Variants in MBD5 observed in about 807,000 individuals in gnomAD.
The protein encoded by MBD5 is methyl-CpG-binding domain protein 5.
Under a neutral mutation model 117.3 loss-of-function variants are expected in MBD5, and 13 were observed. That is an observed-to-expected ratio of 0.11 (90% CI 0.07 to 0.18). The LOEUF is 0.18. MBD5 is among the 10% of genes least tolerant of loss of function. The pLI, the probability that MBD5 is intolerant of heterozygous loss-of-function variation, is 1.00. For missense variants in MBD5, 1,879 were observed against 2,093.8 expected (o/e 0.90, Z 2.00); for synonymous variants, 727 against 766.4 (o/e 0.95, Z 0.85).
chr2:148,433,505 T>C (rs750825098), intron 4 of MBD5, among the ~76,000 whole-genome samples: 5 of 152,228 alleles, frequency 3.3e-5, no homozygotes, highest in Non-Finnish European at 5.9e-5. Flanking sequence ...ATGGCTCTTA[T>C]TACTTTGAAG....
intron 11 of MBD5, among the ~76,000 whole-genome samples, chr2:148,495,372 A>G (rs1047283450): frequency 2.0e-5 from 3 of 152,336 alleles, no homozygotes; most frequent in Middle Eastern, 6.8e-3. Context: ...TTTTATGTTA[A>G]CTAGCTTAAA....
intron 8 of MBD5, among the ~76,000 whole-genome samples, chr2:148,476,899 A>G (rs754704383): frequency 3.9e-5 from 6 of 152,182 alleles, no homozygotes; most frequent in Non-Finnish European, 8.8e-5. Flanking sequence ...TAGGTACTGT[A>G]GTGCATATTC....
At chr2:148,282,391 A>G (rs1200723835) in intron 3 of MBD5, among the ~76,000 whole-genome samples, 1 of 152,146 alleles carries the variant, frequency 6.6e-6, no homozygotes, top group African/African-American at 2.4e-5. Context: ...AATTGGATGG[A>G]TTCAAATCCT....
Position 148,469,698 on chromosome 2 carries a change from A to G in MBD5, c.1755A>G (p.Lys585=). ...PASSLLSAAA[K]AQLANQNKLA... is the part of the protein sequence containing the mutation. ...GTAGTTTACTCTCAGCAGCAGCCAA[A>G]GCACAGCTAGCAAATCAAAACAAAC... is the stretch of plus-strand genomic sequence containing the variant. Residue 585 remains lysine (K), a synonymous_variant, in exon 8 of 14, where the codon AAA becomes AAG. Coordinates refer to ENST00000642680, the MANE Select transcript of MBD5 (RefSeq NM_001378120.1). 6.2e-7 allele frequency: 1 copy of G among 1,613,956 alleles called. No homozygotes were observed.
chr2:148,469,665 T>C lies in MBD5; in HGVS notation c.1722T>C (p.Phe574=). 6.2e-7 allele frequency: 1 copy of C among 1,613,940 alleles called. No homozygotes were observed. The highest frequency in any genetic ancestry group is 8.5e-7 in the Non-Finnish European group (1 of 1,179,904). ...QILNQHNAAS[F]PASSLLSAAA... is the part of the protein sequence containing the mutation. ...TGAACCAGCACAATGCTGCCTCCTTTCCAGCAAGTAGTTTACTCTCAGCAG... is the reference window on the plus strand; with the variant it reads ...TGAACCAGCACAATGCTGCCTCCTTCCCAGCAAGTAGTTTACTCTCAGCAG... Residue 574 remains phenylalanine (F), a synonymous_variant, in exon 8 of 14, where the codon TTT becomes TTC. Transcript: ENST00000642680.
At chr2:148,189,403 A>C (rs1341026364) in intron 2 of MBD5, among the ~76,000 whole-genome samples, 4 of 150,626 alleles carry the variant, frequency 2.7e-5, no homozygotes, top group Non-Finnish European at 5.9e-5. Context: ...ACACAGCTGG[A>C]GATCTGAGAA....
chr2:148,081,175 G>A (rs1695638749), intron 1 of MBD5, among the ~76,000 whole-genome samples: 3 of 152,088 alleles, frequency 2.0e-5, no homozygotes, highest in Admixed American at 2.0e-4. Context: ...TAATGTAAAA[G>A]GGTCTAAATA....
At chr2:148,449,369 A>C (rs2105470248) in intron 4 of MBD5, among the ~76,000 whole-genome samples, 1 of 152,134 alleles carries the variant, frequency 6.6e-6, no homozygotes, top group East Asian at 1.9e-4. Context: ...GTAGGATGTC[A>C]AGGGTGAAGA....
Position 148,483,297 on chromosome 2 carries a change from C to T in MBD5, c.2706C>T (p.Ser902=). The T allele has an allele frequency of 6.2e-7, 1 of 1,614,038 alleles. No individual in the cohort carries two copies. Among genetic ancestry groups the T allele is most frequent in the South Asian group, 1.1e-5 (1 of 91,082 alleles). ...AGGAGCACGCACTTCATTTTCCATC[C>T]AACAGCACTTCAAACAACCATCTTC... The part of the protein sequence containing the change: ...VGQEHALHFP[S]NSTSNNHLPH... Residue 902 remains serine, a synonymous_variant, in exon 9 of 14, where the codon TCC becomes TCT. Transcript: ENST00000642680.
At chr2:148,032,818 TAAG>T (rs905710518) in intron 1 of MBD5, among the ~76,000 whole-genome samples, 1 of 152,158 alleles carries the variant, frequency 6.6e-6, no homozygotes, top group Non-Finnish European at 1.5e-5. Flanking sequence ...ACAGGTCTCA[TAAG>T]AAACCCTTTT....
intron 2 of MBD5, among the ~76,000 whole-genome samples, chr2:148,205,597 A>G (rs75524452): frequency 0.012 from 1,848 of 152,352 alleles, 32 homozygotes; most frequent in African/African-American, 0.042. Flanking sequence ...ATAAGGACAG[A>G]TATAAATTAC....
intron 1 of MBD5, among the ~76,000 whole-genome samples, chr2:148,084,969 T>C (rs1238883107): frequency 6.6e-6 from 1 of 152,180 alleles, no homozygotes; most frequent in Non-Finnish European, 1.5e-5. Flanking sequence ...ATGAGTTGAC[T>C]CCAACTACTG....
chr2:148,483,698 T>G lies in MBD5; in HGVS notation c.3107T>G (p.Leu1036Trp). 1 of 1,550,636 alleles carries G rather than the reference T, an allele frequency of 6.4e-7. No homozygotes were observed. The highest frequency in any genetic ancestry group is 8.7e-7 in the Non-Finnish European group (1 of 1,147,004). ...CAGATGACAGCCCCACCAGACCATT[T>G]GCCAAGCAATCAGTCAGACAACAGC... is the stretch of plus-strand genomic sequence containing the variant. ...LTQMTAPPDH[L>W]PSNQSDNSRA... The change falls in exon 9 of 14, where the codon TTG (leucine) becomes TGG (tryptophan). Residue 1036 changes from leucine (L) to tryptophan (W), a missense_variant. By Grantham distance (61) the Leu-to-Trp change is moderately conservative (BLOSUM62 -2). Transcript: ENST00000642680.
intron 3 of MBD5, among the ~76,000 whole-genome samples, chr2:148,312,713 C>T (rs1021602742): frequency 2.0e-5 from 3 of 152,112 alleles, no homozygotes; most frequent in African/African-American, 7.2e-5. Flanking sequence ...AGTTGTGATC[C>T]TATGGAGGAG....
At chr2:148,399,122 A>G (rs1704832632) in intron 4 of MBD5, among the ~76,000 whole-genome samples, 1 of 152,068 alleles carries the variant, frequency 6.6e-6, no homozygotes, top group Non-Finnish European at 1.5e-5. Flanking sequence ...CTTAGGATTG[A>G]CTTGGCAATG....
chr2:148,460,498 C>T (rs1156950404), intron 5 of MBD5, among the ~76,000 whole-genome samples: 2 of 152,158 alleles, frequency 1.3e-5, no homozygotes, highest in Non-Finnish European at 2.9e-5. Context: ...TAAATTACTA[C>T]TTGAACATGT....
chr2:148,226,418 C>T (rs2106107089), intron 2 of MBD5, among the ~76,000 whole-genome samples: 1 of 152,236 alleles, frequency 6.6e-6, no homozygotes, highest in Admixed American at 6.5e-5. Flanking sequence ...CAGCTTCATC[C>T]ATGTCCCTAC....
At chr2:148,141,420 A>G (rs896784057) in intron 1 of MBD5, among the ~76,000 whole-genome samples, 45 of 152,308 alleles carry the variant, frequency 3.0e-4, no homozygotes, top group Admixed American at 1.0e-3. Context: ...TTCATTCTTA[A>G]CACGAATAAA....
At chr2:148,086,951 A>G (rs1695811166) in intron 1 of MBD5, among the ~76,000 whole-genome samples, 1 of 152,150 alleles carries the variant, frequency 6.6e-6, no homozygotes, top group Non-Finnish European at 1.5e-5. Flanking sequence ...TTTTGCCACA[A>G]TAATGACAGA....
Sources: allele counts gnomAD v4.1 joint callset (sites outside exome capture counted in the v4.1 genomes callset), GRCh38; gene constraint gnomAD v4.1.1; transcripts MANE v1.5; gene names NCBI Gene and HGNC (gene_info 2026-07-23, HGNC 2026-07-21).